ZNF273: variants seen among roughly 807,000 people sequenced by gnomAD.
ZNF273 encodes zinc finger protein 9.
Under a neutral mutation model 14.9 loss-of-function variants are expected in ZNF273, and 11 were observed. That is an observed-to-expected ratio of 0.74 (90% CI 0.46 to 1.22). ZNF273 has a LOEUF of 1.22. Among genes scored for constraint, ZNF273 ranks in the 50% most tolerant of loss-of-function variants. The pLI is 0.00. For synonymous variants in ZNF273, 199 were observed against 223.9 expected, an observed-to-expected ratio of 0.89 and a Z score of 0.99; for missense variants, 577 against 660.6, an observed-to-expected ratio of 0.87 and a Z score of 1.39.
downstream of ZNF273, chr7:64,889,844 A>T: frequency 1.2e-6 from 1 of 868,350 alleles, no homozygotes; most frequent in Non-Finnish European, 1.4e-6. The surrounding 1 kb of genome is among the most constrained non-coding windows in gnomAD (Gnocchi z 4.2). Flanking sequence ...CAGTTGCCTC[A>T]GTGTTTGTCG....
chr7:64,881,870 G>C (rs1791266991), downstream of ZNF273, among the ~76,000 whole-genome samples: 1 of 152,164 alleles, frequency 6.6e-6, no homozygotes, highest in Admixed American at 6.5e-5. Context: ...GTGCTTTCAC[G>C]GGGGATCCAC....
intron 1 of ZNF273, among the ~76,000 whole-genome samples, chr7:64,885,531 T>A (rs997104600): frequency 6.6e-6 from 1 of 152,152 alleles, no homozygotes; most frequent in African/African-American, 2.4e-5. Context: ...AATTGCAGAG[T>A]CTCATGAATC....
chr7:64,889,204 A>T (rs1467496239), downstream of ZNF273: 1 of 985,700 alleles, frequency 1.0e-6, no homozygotes, highest in African/African-American at 1.7e-5. The surrounding 1 kb of genome is among the most constrained non-coding windows in gnomAD (Gnocchi z 4.2). Flanking sequence ...TCATGGGGTC[A>T]CCGGCTTGTG....
chr7:64,928,672 T>A lies in ZNF273; in HGVS notation c.1344T>A (p.His448Gln). The A allele has an allele frequency of 6.2e-7, 1 of 1,612,826 alleles. No homozygotes were observed. The highest frequency in any genetic ancestry group is 8.5e-7 in the Non-Finnish European group (1 of 1,179,166). ...AFSVFSTLTKHKIIHTGAKPY... is the reference protein window; with the variant it reads ...AFSVFSTLTKQKIIHTGAKPY... ...GTGTATTCTCAACCCTTACTAAACA[T>A]AAGATAATTCATACTGGAGCAAAAC... is the stretch of plus-strand genomic sequence containing the variant. Residue 448 changes from histidine (H) to glutamine (Q), a missense_variant, in exon 4 of 4, where the codon CAT becomes CAA. Transcript: ENST00000476120.
downstream of ZNF273, chr7:64,889,733 G>A (rs1791855507): frequency 5.1e-6 from 5 of 985,946 alleles, no homozygotes; most frequent in South Asian, 1.9e-4. The surrounding 1 kb of genome is among the most constrained non-coding windows in gnomAD (Gnocchi z 4.2). Context: ...TGGACACCGA[G>A]CACCATCCAC....
chr7:64,926,117 A>G (rs1794757990), intron 3 of ZNF273, among the ~76,000 whole-genome samples: 1 of 148,150 alleles, frequency 6.7e-6, no homozygotes, highest in Admixed American at 6.7e-5. Context: ...CTGGTAGGAC[A>G]GTTTTGCTGA....
intron 1 of ZNF273, among the ~76,000 whole-genome samples, chr7:64,909,130 T>C (rs1422011826): frequency 6.6e-6 from 1 of 152,150 alleles, no homozygotes; most frequent in Non-Finnish European, 1.5e-5. Flanking sequence ...TGTCCCAGGC[T>C]AGTTTCAAAC....
At position 64,929,742 on chromosome 7, in the gene ZNF273, A is replaced by G. The variant is rs1399632642; in HGVS notation, c.*704A>G. On this transcript the variant is annotated 3_prime_UTR_variant, in exon 4 of 4. Coordinates refer to ENST00000476120, the MANE Select transcript of ZNF273 (RefSeq NM_021148.3). ...GTGAACAAGTTTTTGGCAGAGGTAT[A>G]TTTACATTCAGAGTACACTTTTCTT... 1 of 152,176 alleles carries G rather than the reference A, an allele frequency of 6.6e-6. No individual in the cohort carries two copies. The highest frequency in any genetic ancestry group is 2.4e-5 in the African/African-American group (1 of 41,410). 9.4% of individuals were successfully genotyped at this position (152,176 alleles called of 1,614,324 possible). A position where few individuals can be genotyped will look rare whatever the true frequency, so the allele number is the denominator to read the frequency against.
chr7:64,878,434 G>C (rs73132356), exon 2 of ZNF273: 4 of 152,386 alleles, frequency 2.6e-5, no homozygotes, highest in Admixed American at 1.3e-4. Flanking sequence ...AGCTTCAGGT[G>C]GGGAGGCGAG....
At chr7:64,901,860 G>A (rs1792739967), upstream of ZNF273, among the ~76,000 whole-genome samples, 1 of 152,040 alleles carries the variant, frequency 6.6e-6, no homozygotes, top group African/African-American at 2.4e-5. Flanking sequence ...TGAGGTGGGA[G>A]AATCGCTTGA....
chr7:64,903,269 C>G, upstream of ZNF273: 1 of 1,500,476 alleles, frequency 6.7e-7, no homozygotes, highest in Non-Finnish European at 9.2e-7. Context: ...TTGGCGGGGC[C>G]TTTGTCTCTC....
intron 3 of ZNF273, among the ~76,000 whole-genome samples, chr7:64,919,971 A>G (rs1188442762): frequency 2.6e-5 from 4 of 151,746 alleles, no homozygotes; most frequent in Non-Finnish European, 5.9e-5. Flanking sequence ...AATAGAAGCA[A>G]TTGACAATGG....
At chr7:64,885,039 C>T (rs921063653) in intron 1 of ZNF273, among the ~76,000 whole-genome samples, 5 of 152,218 alleles carry the variant, frequency 3.3e-5, no homozygotes, top group African/African-American at 9.6e-5. Flanking sequence ...CTGTCGCGAG[C>T]GGTGAGCCTT....
intron 3 of ZNF273, among the ~76,000 whole-genome samples, chr7:64,919,355 T>A (rs1794265814): frequency 6.6e-6 from 1 of 152,108 alleles, no homozygotes; most frequent in South Asian, 2.1e-4. Flanking sequence ...TTGTAAAGAT[T>A]TTTTAGGCTG....
chr7:64,911,892 C>T (rs571954540), intron 1 of ZNF273, among the ~76,000 whole-genome samples: 1 of 151,966 alleles, frequency 6.6e-6, no homozygotes. Context: ...TTAACACTGC[C>T]TCAGCTGTGT....
At chr7:64,889,942 T>C (rs199579687), downstream of ZNF273, 1,410 of 170,406 alleles carry the variant, frequency 8.3e-3, 16 homozygotes, top group African/African-American at 0.032. The surrounding 1 kb of genome is among the most constrained non-coding windows in gnomAD (Gnocchi z 4.2). Context: ...TGAGGCCACC[T>C]CTGCAATCAT....
chr7:64,902,075 T>C (rs1466910050), upstream of ZNF273, among the ~76,000 whole-genome samples: 7 of 148,652 alleles, frequency 4.7e-5, no homozygotes, highest in African/African-American at 1.2e-4. Context: ...TTATATACAA[T>C]AATATATATT....
chr7:64,882,444 C>A (rs1017902678), downstream of ZNF273: 1 of 152,256 alleles, frequency 6.6e-6, no homozygotes, highest in African/African-American at 2.4e-5. Flanking sequence ...CTTGCTTAGG[C>A]GGGCTGACAG....
chr7:64,891,965 C>T (rs1792064654), downstream of ZNF273, among the ~76,000 whole-genome samples: 1 of 152,226 alleles, frequency 6.6e-6, no homozygotes, highest in Non-Finnish European at 1.5e-5. Context: ...CCATGTTGCA[C>T]TTTCAAACCA....
Sources: gnomAD v4.1 joint callset for allele counts (sites outside exome capture counted in the v4.1 genomes callset) on GRCh38, gnomAD v4.1.1 for gene constraint, Gnocchi (gnomAD v3.1) non-coding constraint, MANE v1.5 for transcripts, NCBI Gene and HGNC (gene_info 2026-07-23, HGNC 2026-07-21) for gene names.